The following LEPR variants were observed in gnomAD, a reference collection of about 807,000 sequenced individuals.
The protein encoded by LEPR is leptin receptor.
LEPR carries 56 observed loss-of-function variants against 114.7 expected under a neutral mutation model. The ratio of observed to expected loss-of-function variants is 0.49; its 90% confidence interval spans 0.39 to 0.61. LEPR has a LOEUF of 0.61. LEPR is among the 20% of genes least tolerant of loss of function. The probability of loss-of-function intolerance (pLI) is 0.00; values close to 1 mark genes in which losing one functional copy is unlikely to be tolerated. For missense variants in LEPR, 1,202 were observed against 1,352.9 expected (o/e 0.89, Z 1.75); for synonymous variants, 443 against 461.4 (o/e 0.96, Z 0.51).
Position 65,572,402 on chromosome 1 carries a change from G to A in LEPR, c.447G>A (p.Lys149=), listed in dbSNP as rs11811070. ...TCTGTTATGTGGAGTCATTATTTAA[G>A]AATCTATTCAGGAATTATAACTATA... ...LFICYVESLF[K]NLFRNYNYKV... is the part of the protein sequence containing the mutation. Residue 149 remains lysine, a synonymous_variant, in exon 5 of 20, where the codon AAG becomes AAA. Transcript: ENST00000349533. The A allele has an allele frequency of 4.0e-6, 6 of 1,492,398 alleles. No homozygotes were observed. In the African/African-American group the frequency reaches 8.7e-5, roughly 22 times the overall value. 92.4% of individuals were successfully genotyped at this position (1,492,398 alleles called of 1,614,324 possible). A position where few individuals can be genotyped will look rare whatever the true frequency, so the allele number is the denominator to read the frequency against.
At position 65,601,694 on chromosome 1, in the gene LEPR, G is replaced by C; in HGVS notation, c.1285+12G>C. On this transcript the variant is annotated intron_variant, in intron 9 of 19. Coordinates refer to ENST00000349533, the MANE Select transcript of LEPR (RefSeq NM_002303.6). ...ATTATATGTGATTGGTAAGAAAACA[G>C]AGGTTTTGTTCATTTTGTTCCACAA... is the stretch of plus-strand genomic sequence containing the variant. 1.2e-6 allele frequency: 2 copies of C among 1,613,418 alleles called. No individual in the cohort carries two copies. Among genetic ancestry groups the C allele is most frequent in the Non-Finnish European group, 1.7e-6 (2 of 1,179,618 alleles).
intron 2 of LEPR, among the ~76,000 whole-genome samples, chr1:65,491,222 G>A (rs1401590399): frequency 6.6e-6 from 1 of 152,148 alleles, no homozygotes; most frequent in East Asian, 1.9e-4. Flanking sequence ...GCTTCTGCTA[G>A]TTCAGATGGG....
At chr1:65,426,813 A>G (rs373072400) in intron 2 of LEPR, among the ~76,000 whole-genome samples, 1 of 152,304 alleles carries the variant, frequency 6.6e-6, no homozygotes, top group South Asian at 2.1e-4. Flanking sequence ...CCTAGGCAAC[A>G]TGGTGAAACC....
At chr1:65,601,803 G>C in intron 9 of LEPR, 40 bp from the exon 10 acceptor site, 1 of 1,585,032 alleles carries the variant, frequency 6.3e-7, no homozygotes, top group Non-Finnish European at 8.6e-7. Flanking sequence ...ATTTTTTGGA[G>C]TTTTTGCTTT....
chr1:65,427,164 C>T, intron 2 of LEPR, among the ~76,000 whole-genome samples: 1 of 152,156 alleles, frequency 6.6e-6, no homozygotes, highest in African/African-American at 2.4e-5. Context: ...TGTTTAGAGC[C>T]TTCACAGCAA....
chr1:65,633,732 G>A lies in LEPR; in HGVS notation c.2674-2459G>A. ...CGGGTGTTCTTTTGAATATCTCCTGGCATTTTTGTATCTAACTTTGTTCAA... is the reference window on the plus strand; with the variant it reads ...CGGGTGTTCTTTTGAATATCTCCTGACATTTTTGTATCTAACTTTGTTCAA... On this transcript the variant is annotated intron_variant, in intron 19 of 19. Transcript: ENST00000349533. This position sits in a 1 kb window ranked among gnomAD's most constrained non-coding sequence, Gnocchi z 4.1. 10 of 985,072 alleles carry A rather than the reference G, an allele frequency of 1.0e-5. No homozygotes were observed. Among genetic ancestry groups the A allele is most frequent in the Non-Finnish European group, 1.2e-5 (10 of 829,730 alleles). The allele number at this position is 985,072 out of a possible 1,614,324, so 61.0% of individuals were successfully genotyped here.
chr1:65,541,232 A>G (rs1414619654), intron 2 of LEPR, among the ~76,000 whole-genome samples: 5 of 152,210 alleles, frequency 3.3e-5, no homozygotes, highest in Non-Finnish European at 2.9e-5. Flanking sequence ...ATTATTTTCT[A>G]CATTTCTAGC....
intron 2 of LEPR, among the ~76,000 whole-genome samples, chr1:65,553,634 C>CTA (rs1399370473): frequency 6.6e-6 from 1 of 151,974 alleles, no homozygotes; most frequent in African/African-American, 2.4e-5. Flanking sequence ...TTTCAACATT[C>CTA]TTAGCTTCCT....
At chr1:65,435,362 T>C in intron 2 of LEPR, 1 of 908,570 alleles carries the variant, frequency 1.1e-6, no homozygotes, top group Non-Finnish European at 1.3e-6. Flanking sequence ...GTGCCTTTTC[T>C]TTTCTTTTTT....
At chr1:65,615,168 C>T (rs1657451383) in intron 14 of LEPR, among the ~76,000 whole-genome samples, 1 of 151,980 alleles carries the variant, frequency 6.6e-6, no homozygotes, top group Admixed American at 6.6e-5. Context: ...TTTTCTCTGC[C>T]ATTTCTAACT....
chr1:65,434,532 C>A (rs994212259), intron 2 of LEPR: 3 of 984,826 alleles, frequency 3.0e-6, no homozygotes, highest in Non-Finnish European at 3.6e-6. Flanking sequence ...CCAGGCCAAG[C>A]CTCCCTCAAC....
At chr1:65,518,911 T>C (rs796395226) in intron 2 of LEPR, among the ~76,000 whole-genome samples, 5,121 of 84,668 alleles carry the variant, frequency 0.06, 99 homozygotes, top group Middle Eastern at 0.074. Context: ...CTTTCTTTCT[T>C]TCTTTCTCTC....
intron 2 of LEPR, among the ~76,000 whole-genome samples, chr1:65,512,454 A>G (rs552441632): frequency 6.6e-6 from 1 of 152,272 alleles, no homozygotes; most frequent in South Asian, 2.1e-4. Flanking sequence ...AAGGTGTAGG[A>G]GCAGTAGACT....
At chr1:65,509,804 G>C (rs1478479078) in intron 2 of LEPR, among the ~76,000 whole-genome samples, 1 of 152,076 alleles carries the variant, frequency 6.6e-6, no homozygotes, top group African/African-American at 2.4e-5. Context: ...AAAACACAGA[G>C]CAATCTTTTC....
intron 18 of LEPR, among the ~76,000 whole-genome samples, chr1:65,622,656 G>A (rs886890676): frequency 2.6e-5 from 4 of 152,150 alleles, no homozygotes; most frequent in African/African-American, 9.7e-5. Flanking sequence ...TCTATCCAGT[G>A]TTTAGCATGG....
intron 2 of LEPR, among the ~76,000 whole-genome samples, chr1:65,513,715 A>C (rs2100559297): frequency 6.6e-6 from 1 of 152,350 alleles, no homozygotes; most frequent in Non-Finnish European, 1.5e-5. Flanking sequence ...GTTCATAGGG[A>C]CTTAAATCTG....
intron 2 of LEPR, among the ~76,000 whole-genome samples, chr1:65,490,564 C>G (rs911045154): frequency 6.6e-6 from 1 of 152,058 alleles, no homozygotes; most frequent in African/African-American, 2.4e-5. Context: ...CCCGTTCAAT[C>G]CTAGTGGTTT....
chr1:65,421,453 T>C, intron 1 of LEPR: 1 of 1,536,102 alleles, frequency 6.5e-7, no homozygotes, highest in Non-Finnish European at 8.7e-7. Context: ...AGGCTTCCTG[T>C]ATTTTGGTAG....
chr1:65,539,295 G>C (rs560998426), intron 2 of LEPR, among the ~76,000 whole-genome samples: 1 of 150,442 alleles, frequency 6.6e-6, no homozygotes, highest in East Asian at 1.9e-4. Flanking sequence ...CTGGTGGTTA[G>C]TTTCCTTTTT....
Sources: gnomAD v4.1 joint callset for allele counts (sites outside exome capture counted in the v4.1 genomes callset) on GRCh38, gnomAD v4.1.1 for gene constraint, Gnocchi (gnomAD v3.1) non-coding constraint, MANE v1.5 for transcripts, NCBI Gene and HGNC (gene_info 2026-07-23, HGNC 2026-07-21) for gene names.